Variants in MAD1L1 observed in about 807,000 individuals in gnomAD.
The protein encoded by MAD1L1 is mitotic arrest deficient 1 like 1.
Under a neutral mutation model 96.9 loss-of-function variants are expected in MAD1L1, and 95 were observed. The observed-to-expected ratio is 0.98, with a 90% confidence interval of 0.83 to 1.16. MAD1L1 has a LOEUF of 1.16. Among genes scored for constraint, MAD1L1 ranks in the 50% most tolerant of loss-of-function variants. The pLI, the probability that MAD1L1 is intolerant of heterozygous loss-of-function variation, is 0.00. For synonymous variants in MAD1L1, 473 were observed against 396.6 expected, an observed-to-expected ratio of 1.19 and a Z score of -2.29; for missense variants, 1,007 against 954.4, an observed-to-expected ratio of 1.06 and a Z score of -0.73.
intron 12 of MAD1L1, among the ~76,000 whole-genome samples, chr7:2,020,057 G>C (rs1782716535): frequency 6.6e-6 from 1 of 152,382 alleles, no homozygotes; most frequent in East Asian, 1.9e-4. Flanking sequence ...AGGGCTGAGG[G>C]AAGAGGACTC....
chr7:2,203,844 C>A (rs2114962204), intron 10 of MAD1L1, among the ~76,000 whole-genome samples: 1 of 152,298 alleles, frequency 6.6e-6, no homozygotes, highest in East Asian at 1.9e-4. Flanking sequence ...GGGCCAAGCA[C>A]AGCACGCCCT....
intron 17 of MAD1L1, among the ~76,000 whole-genome samples, chr7:1,913,598 G>A (rs905924418): frequency 2.0e-5 from 3 of 152,140 alleles, no homozygotes; most frequent in African/African-American, 7.2e-5. Context: ...CAGGGGCTCT[G>A]GCTCTAGAAG....
chr7:1,962,081 T>C (rs972798139), intron 15 of MAD1L1, among the ~76,000 whole-genome samples: 2 of 151,936 alleles, frequency 1.3e-5, no homozygotes, highest in African/African-American at 4.8e-5. Context: ...GGGAGTGATG[T>C]GGTGGGAGAT....
At chr7:2,127,726 C>T (rs960840548) in intron 11 of MAD1L1, among the ~76,000 whole-genome samples, 1 of 152,168 alleles carries the variant, frequency 6.6e-6, no homozygotes, top group Admixed American at 6.5e-5. Context: ...TACAATCTCA[C>T]GCCCACCAAA....
chr7:1,942,556 C>T (rs1190265582), intron 16 of MAD1L1, among the ~76,000 whole-genome samples: 1 of 152,182 alleles, frequency 6.6e-6, no homozygotes, highest in East Asian at 1.9e-4. Flanking sequence ...ATGTCCTATA[C>T]AAACAGCACC....
intron 12 of MAD1L1, among the ~76,000 whole-genome samples, chr7:2,066,971 G>T (rs996643483): frequency 1.3e-5 from 2 of 152,334 alleles, no homozygotes; most frequent in Admixed American, 1.3e-4. Context: ...CTGAGGCCGG[G>T]CGGGGCTGCC....
chr7:2,162,058 T>C (rs1004349998), intron 10 of MAD1L1, among the ~76,000 whole-genome samples: 9 of 152,084 alleles, frequency 5.9e-5, no homozygotes, highest in Admixed American at 6.5e-5. Flanking sequence ...GAGGAGCCCC[T>C]CTGCCCGGCC....
chr7:2,152,440 T>C (rs1425672400), intron 10 of MAD1L1, among the ~76,000 whole-genome samples: 1 of 152,236 alleles, frequency 6.6e-6, no homozygotes, highest in East Asian at 1.9e-4. Flanking sequence ...GTCACCACTT[T>C]GGCTAAACCA....
chr7:2,061,189 T>A (rs910973756), intron 12 of MAD1L1, among the ~76,000 whole-genome samples: 4 of 151,976 alleles, frequency 2.6e-5, no homozygotes, highest in Non-Finnish European at 4.4e-5. Context: ...ATACAAAACT[T>A]AGCTGGGCGT....
Position 1,840,654 on chromosome 7 carries a change from G to A in MAD1L1, c.1999-24426C>T, listed in dbSNP as rs1260133262. On this transcript the variant is annotated intron_variant, in intron 18 of 18. Coordinates refer to ENST00000265854, the MANE Select transcript of MAD1L1 (RefSeq NM_001013836.2). Reference sequence around the variant, plus strand: ...TGAGGCAGGAGAATCGCTTGAGCCCGGGAGGCAGAGGTTGCAGTGAGCCAA... The same window carrying A: ...TGAGGCAGGAGAATCGCTTGAGCCCAGGAGGCAGAGGTTGCAGTGAGCCAA... 1.1e-4 allele frequency among the ~76,000 whole-genome samples: 16 copies of A among 152,340 alleles called. No individual in the cohort carries two copies. The East Asian group carries it at 1.2e-3, about 11-fold the overall frequency.
chr7:1,908,864 C>T (rs1440748530), intron 17 of MAD1L1, among the ~76,000 whole-genome samples: 5 of 152,198 alleles, frequency 3.3e-5, no homozygotes, highest in South Asian at 2.1e-4. Context: ...CGGCCTGGCT[C>T]CCCCAAGTGT....
chr7:2,208,299 T>C (rs1792706314), intron 10 of MAD1L1, among the ~76,000 whole-genome samples: 1 of 151,816 alleles, frequency 6.6e-6, no homozygotes, highest in South Asian at 2.1e-4. Context: ...GGTTTAGTCC[T>C]ACTGGCTTGT....
At chr7:1,875,535 A>G (rs1274515307) in intron 18 of MAD1L1, among the ~76,000 whole-genome samples, 2 of 152,194 alleles carry the variant, frequency 1.3e-5, no homozygotes, top group Non-Finnish European at 2.9e-5. Flanking sequence ...CTGCACAAGC[A>G]GAGGAGAAAG....
At chr7:2,213,359 G>C in intron 9 of MAD1L1, 86 bp from the exon 10 acceptor site, 1 of 1,251,574 alleles carries the variant, frequency 8.0e-7, no homozygotes, top group Non-Finnish European at 1.2e-6. Flanking sequence ...ACGGTGCTAA[G>C]TCCCTGACCT....
At chr7:2,003,985 C>T (rs1016996677) in intron 13 of MAD1L1, among the ~76,000 whole-genome samples, 6 of 152,212 alleles carry the variant, frequency 3.9e-5, no homozygotes, top group Admixed American at 2.0e-4. Context: ...CTAGACACAA[C>T]GCACTTCACC....
chr7:2,179,790 T>C (rs1295435613), intron 10 of MAD1L1, among the ~76,000 whole-genome samples: 3 of 151,866 alleles, frequency 2.0e-5, no homozygotes, highest in African/African-American at 7.3e-5. Flanking sequence ...GCCAACATGG[T>C]GAAACCTCAT....
At chr7:1,884,278 C>T (rs762322551) in intron 18 of MAD1L1, among the ~76,000 whole-genome samples, 9 of 152,210 alleles carry the variant, frequency 5.9e-5, no homozygotes, top group Non-Finnish European at 1.0e-4. Flanking sequence ...CAAGAGCATG[C>T]CCCTGGCCAC....
At chr7:1,919,460 T>C (rs1788635313) in intron 17 of MAD1L1, among the ~76,000 whole-genome samples, 1 of 152,212 alleles carries the variant, frequency 6.6e-6, no homozygotes, top group African/African-American at 2.4e-5. Flanking sequence ...CCGTCCTCGC[T>C]GGGGACCTAC....
chr7:2,093,383 T>C (rs1786315563), intron 11 of MAD1L1, among the ~76,000 whole-genome samples: 1 of 152,094 alleles, frequency 6.6e-6, no homozygotes, highest in Admixed American at 6.5e-5. Flanking sequence ...GCATGCAGTA[T>C]TTTCTCCTAA....
Sources: allele counts gnomAD v4.1 joint callset (sites outside exome capture counted in the v4.1 genomes callset), GRCh38; gene constraint gnomAD v4.1.1; transcripts MANE v1.5; gene names NCBI Gene and HGNC (gene_info 2026-07-23, HGNC 2026-07-21).